MMRN1: variants seen among roughly 807,000 people sequenced by gnomAD.
MMRN1 encodes the protein multimerin 1.
Under a neutral mutation model 100.7 loss-of-function variants are expected in MMRN1, and 94 were observed. The ratio of observed to expected loss-of-function variants is 0.93; its 90% CI spans 0.79 to 1.11. MMRN1 has a LOEUF of 1.11. Among genes scored for constraint, MMRN1 ranks in the 50% least tolerant of loss-of-function variants. The pLI is 0.00. For synonymous variants in MMRN1, 575 were observed against 505.0 expected (o/e 1.14, Z -1.86); for missense variants, 1,606 against 1,439.1 (o/e 1.12, Z -1.88).
chr4:89,920,120 T>A lies in MMRN1; in HGVS notation c.851-3048T>A, dbSNP rs192548084. On this transcript the variant is annotated intron_variant, in intron 3 of 7. Coordinates refer to ENST00000264790, the MANE Select transcript of MMRN1 (RefSeq NM_007351.3). ...TCATGTATCCATGATTAACTTGTAA[T>A]TAGTTAATATTATAATTTGTATAAC... Among the ~76,000 whole-genome samples, 686 of 152,282 alleles carry A rather than the reference T, an allele frequency of 4.5e-3. 7 individuals are homozygous for A. Among genetic ancestry groups the A allele is most frequent in the African/African-American group, 0.016 (664 of 41,584 alleles).
intron 1 of MMRN1, 35 bp downstream of exon 1, chr4:89,895,629 G>C (rs549772878): frequency 6.4e-7 from 1 of 1,571,194 alleles, no homozygotes; most frequent in African/African-American, 1.4e-5. Context: ...TTCTTTCTCT[G>C]TCTATCAGGT....
In MMRN1 at chr4:89,935,737, A is replaced by G. The variant is rs757060225; in HGVS notation, c.2057A>G (p.Asn686Ser). The part of the protein sequence containing the change: ...KKIENLTSAV[N>S]SLNFIIKELT... ...ATAGAAAATCTGACTAGTGCTGTCA[A>G]TAGTCTAAATTTTATTATCAAAGAA... The change falls in exon 6 of 8, where the codon AAT (asparagine) becomes AGT (serine). Residue 686 changes from asparagine to serine, a missense_variant. Coordinates refer to ENST00000264790, the MANE Select transcript of MMRN1 (RefSeq NM_007351.3). The G allele has an allele frequency of 6.2e-6, 10 of 1,611,836 alleles. No individual in the cohort carries two copies. The highest frequency in any genetic ancestry group is 8.5e-6 in the Non-Finnish European group (10 of 1,179,228).
intron 1 of MMRN1, among the ~76,000 whole-genome samples, chr4:89,906,469 G>T (rs1414324475): frequency 6.6e-6 from 1 of 151,470 alleles, no homozygotes; most frequent in Non-Finnish European, 1.5e-5. Flanking sequence ...CCCAAATGTG[G>T]TCTGCTGGAT....
chr4:89,901,234 A>T (rs1167523159), intron 1 of MMRN1, among the ~76,000 whole-genome samples: 1 of 151,938 alleles, frequency 6.6e-6, no homozygotes, highest in Non-Finnish European at 1.5e-5. Context: ...TGTTTCTTAT[A>T]ATATTTCATT....
upstream of MMRN1, among the ~76,000 whole-genome samples, chr4:89,890,340 G>C (rs1035641254): frequency 2.0e-5 from 3 of 150,254 alleles, no homozygotes; most frequent in African/African-American, 7.3e-5. Context: ...TTGGCCTAAA[G>C]AGAGCTTTTA....
At chr4:89,904,479 A>G (rs559686058) in intron 1 of MMRN1, among the ~76,000 whole-genome samples, 3 of 151,740 alleles carry the variant, frequency 2.0e-5, no homozygotes, top group South Asian at 2.1e-4. Flanking sequence ...TCACCATTCT[A>G]TTTTCTGTCT....
chr4:89,897,068 C>CT (rs1480091013), intron 1 of MMRN1, among the ~76,000 whole-genome samples: 1 of 152,040 alleles, frequency 6.6e-6, no homozygotes, highest in Admixed American at 6.6e-5. Flanking sequence ...TTATTGACAG[C>CT]TTTTTCTAAA....
chr4:89,909,455 A>T, intron 2 of MMRN1, 60 bp downstream of exon 2: 1 of 1,573,432 alleles, frequency 6.4e-7, no homozygotes, highest in Non-Finnish European at 8.7e-7. Context: ...TATAGCCGGG[A>T]ATATATAATG....
intron 1 of MMRN1, among the ~76,000 whole-genome samples, chr4:89,900,529 T>C (rs1721350829): frequency 6.6e-6 from 1 of 152,094 alleles, no homozygotes; most frequent in Non-Finnish European, 1.5e-5. Context: ...GTCACCTTTA[T>C]TTTTTTCTTT....
chr4:89,945,108 A>G (rs1420625033), intron 6 of MMRN1, among the ~76,000 whole-genome samples: 4 of 152,152 alleles, frequency 2.6e-5, no homozygotes, highest in Admixed American at 2.6e-4. Context: ...AACTCATACA[A>G]TATGTGGAGG....
At chr4:89,918,491 A>T (rs879557305) in intron 3 of MMRN1, among the ~76,000 whole-genome samples, 7 of 151,896 alleles carry the variant, frequency 4.6e-5, no homozygotes, top group Non-Finnish European at 1.0e-4. Context: ...TATTCTTCCA[A>T]TTTTTATTAT....
intron 5 of MMRN1, among the ~76,000 whole-genome samples, chr4:89,930,646 A>G (rs1578490942): frequency 6.6e-6 from 1 of 152,070 alleles, no homozygotes; most frequent in Admixed American, 6.6e-5. Flanking sequence ...TGAGAATTAG[A>G]GTCATTTTTA....
At chr4:89,952,366 G>A (rs1723207403) in intron 7 of MMRN1, among the ~76,000 whole-genome samples, 2 of 152,132 alleles carry the variant, frequency 1.3e-5, no homozygotes, top group Admixed American at 6.5e-5. Context: ...ATAAAAATGT[G>A]TTATTTAATG....
chr4:89,935,962 T>C lies in MMRN1; in HGVS notation c.2282T>C (p.Ile761Thr), dbSNP rs541867574. 210 of 1,612,262 alleles carry C rather than the reference T, an allele frequency of 1.3e-4. 4 individuals carry two copies. The South Asian group carries it at 2.1e-3, about 16-fold the overall frequency. The change falls in exon 6 of 8, where the codon ATC becomes ACC. Residue 761 changes from isoleucine to threonine, a missense_variant. By Grantham distance (89) the Ile-to-Thr change is moderately conservative. Coordinates refer to ENST00000264790, the MANE Select transcript of MMRN1 (RefSeq NM_007351.3). Reference protein sequence around the residue: ...TLSTIKDNSEIHHKCTSDMET... With the variant: ...TLSTIKDNSETHHKCTSDMET... ...AGTACTATTAAGGATAATAGTGAGA[T>C]CCATCATAAATGTACCTCCGATATG...
intron 1 of MMRN1, 107 bp from the exon 2 acceptor site, chr4:89,909,169 T>A: frequency 8.5e-7 from 1 of 1,180,084 alleles, no homozygotes; most frequent in Non-Finnish European, 1.2e-6. Flanking sequence ...ACAAGGTTTC[T>A]GATCTATAGT....
chr4:89,897,002 C>A (rs1314977794), intron 1 of MMRN1, among the ~76,000 whole-genome samples: 18 of 152,090 alleles, frequency 1.2e-4, no homozygotes, highest in Admixed American at 1.2e-3. Flanking sequence ...ATGCATTAAT[C>A]TTTCTCACTT....
At chr4:89,886,309 A>C (rs1428121943) in intron 1 of MMRN1, among the ~76,000 whole-genome samples, 2 of 152,116 alleles carry the variant, frequency 1.3e-5, no homozygotes, top group African/African-American at 4.8e-5. Context: ...GCTTTGACTG[A>C]GGATTATTTA....
In MMRN1 at chr4:89,934,894, C is replaced by G. The variant is rs1722553255; in HGVS notation, c.1214C>G (p.Thr405Ser). 6.2e-7 allele frequency: 1 copy of G among 1,610,072 alleles called. No individual in the cohort carries two copies. Among genetic ancestry groups the G allele is most frequent in the Admixed American group, 1.7e-5 (1 of 59,284 alleles). The change falls in exon 6 of 8, where the codon ACT becomes AGT. Residue 405 changes from threonine to serine, a missense_variant. By Grantham distance (58) the Thr-to-Ser change is moderately conservative (BLOSUM62 1). Transcript: ENST00000264790. ...FKIFQNDMQE[T>S]VAQLFKTVSS... is the part of the protein sequence containing the mutation. ...ATTTTTCAAAATGACATGCAAGAGA[C>G]TGTAGCACAGCTCTTCAAGACTGTA...
At chr4:89,884,912 A>G (rs1455414409) in intron 1 of MMRN1, among the ~76,000 whole-genome samples, 3 of 152,172 alleles carry the variant, frequency 2.0e-5, no homozygotes, top group African/African-American at 4.8e-5. Flanking sequence ...AATAGTGAAC[A>G]TAAGTTGTGA....
Sources: allele counts gnomAD v4.1 joint callset (sites outside exome capture counted in the v4.1 genomes callset), GRCh38; gene constraint gnomAD v4.1.1; transcripts MANE v1.5; gene names NCBI Gene and HGNC (gene_info 2026-07-23, HGNC 2026-07-21).